GMIP: variants seen among roughly 807,000 people sequenced by gnomAD.
GMIP encodes the protein GEM interacting protein, also known as GEM-interacting protein.
Under a neutral mutation model 105.3 loss-of-function variants are expected in GMIP, and 54 were observed. The ratio of observed to expected loss-of-function variants is 0.51; its 90% CI spans 0.41 to 0.64. The LOEUF is 0.64. Ranked by LOEUF, GMIP falls within the 30% of genes least tolerant of loss-of-function variation. GMIP has a pLI of 0.00. For missense variants in GMIP, 1,110 were observed against 1,319.4 expected, an observed-to-expected ratio of 0.84 and a Z score of 2.46; for synonymous variants, 541 against 560.8, an observed-to-expected ratio of 0.96 and a Z score of 0.50.
Position 19,637,999 on chromosome 19 carries a change from T to C in GMIP, c.848A>G (p.Gln283Arg), listed in dbSNP as rs759688595. The change falls in exon 10 of 21, where the codon CAG (glutamine) becomes CGG (arginine). Residue 283 changes from glutamine to arginine, a missense_variant. Coordinates refer to ENST00000203556, the MANE Select transcript of GMIP (RefSeq NM_016573.4). This position sits in a 1 kb window ranked among gnomAD's most constrained non-coding sequence, Gnocchi z 6.7. ...TCGCTGCTTGGCGATCTCCAGGTCC[T>C]GCTGCCGCGCGTTGGCCTCGCGGAC... ...ACVREANARQ[Q>R]DLEIAKQRIV... The C allele has an allele frequency of 4.3e-6, 7 of 1,610,252 alleles. No homozygotes were observed. Among genetic ancestry groups the C allele is most frequent in the South Asian group, 3.3e-5 (3 of 90,692 alleles).
rs1240302413 is a variant in GMIP, at chr19:19,630,965, C to G, written c.2473-428G>C. Reference sequence around the variant, plus strand: ...CCTGTAATCCCAGCACTTTGGGAGGCTGAGGTTGGTGGATTATCTGAGGTC... The same window carrying G: ...CCTGTAATCCCAGCACTTTGGGAGGGTGAGGTTGGTGGATTATCTGAGGTC... On this transcript the variant is annotated intron_variant, in intron 19 of 20. Coordinates refer to ENST00000203556, the MANE Select transcript of GMIP (RefSeq NM_016573.4). The surrounding 1 kb of genome is among the most constrained non-coding windows in gnomAD (Gnocchi z 4.8). Among the ~76,000 whole-genome samples the G allele has an allele frequency of 6.6e-6, 1 of 152,078 alleles. No homozygotes were observed. Among genetic ancestry groups the G allele is most frequent in the African/African-American group, 2.4e-5 (1 of 41,380 alleles).
intron 7 of GMIP, 81 bp downstream of exon 7, chr19:19,640,004 G>T: frequency 2.7e-6 from 2 of 741,708 alleles, no homozygotes; most frequent in Non-Finnish European, 4.5e-6. Context: ...CTCCCAGCTT[G>T]CTGGGAAACG....
intron 19 of GMIP, among the ~76,000 whole-genome samples, chr19:19,631,627 C>T (rs935970237): frequency 1.3e-5 from 2 of 152,210 alleles, no homozygotes; most frequent in African/African-American, 2.4e-5. Context: ...TCCGGAGCAG[C>T]GGGTGCTGCT....
intron 19 of GMIP, 128 bp downstream of exon 19, chr19:19,633,675 T>C (rs2061818532): frequency 1.6e-6 from 1 of 644,098 alleles, no homozygotes; most frequent in South Asian, 5.2e-5. Context: ...AGAATGAACA[T>C]AAGTTAAATG....
rs773278214 is a variant in GMIP, at chr19:19,637,364, C to A, written c.1124+1G>T. The A allele has an allele frequency of 1.3e-6, 2 of 1,496,008 alleles. No homozygotes were observed. Among genetic ancestry groups the A allele is most frequent in the Admixed American group, 2.5e-5 (1 of 40,484 alleles). 92.7% of individuals were successfully genotyped at this position (1,496,008 alleles called of 1,614,324 possible). A position where few individuals can be genotyped will look rare whatever the true frequency, so the allele number is the denominator to read the frequency against. ...CCCGACTCCCTGCTCCAGTGACCCA[C>A]CTGTTCAAGGAGGGAAGGAACTCCT... On this transcript the variant is annotated splice_donor_variant, in intron 11 of 20. Transcript: ENST00000203556. LOFTEE classifies it high-confidence loss of function. The surrounding 1 kb of genome is among the most constrained non-coding windows in gnomAD (Gnocchi z 6.7).
In GMIP at chr19:19,630,646, C is replaced by A. The variant is rs1041627176; in HGVS notation, c.2473-109G>T. ...GGACATGCAAAAGGAATAGCCAGTG[C>A]AAAGGCCCTGAGGTAGGAGCATGCC... is the stretch of plus-strand genomic sequence containing the variant. On this transcript the variant is annotated intron_variant, in intron 19 of 20. Transcript: ENST00000203556. The surrounding 1 kb of genome is among the most constrained non-coding windows in gnomAD (Gnocchi z 4.8). The A allele has an allele frequency of 1.1e-6, 1 of 928,558 alleles. No homozygotes were observed. Among genetic ancestry groups the A allele is most frequent in the African/African-American group, 1.6e-5 (1 of 61,708 alleles). 57.5% of individuals were successfully genotyped at this position (928,558 alleles called of 1,614,324 possible). A position where few individuals can be genotyped will look rare whatever the true frequency, so the allele number is the denominator to read the frequency against.
rs1466454290 is a variant in GMIP at position 19,630,510 on chromosome 19, C to G, written c.2500G>C (p.Glu834Gln). 5.0e-6 allele frequency: 8 copies of G among 1,614,028 alleles called. No homozygotes were observed. Among genetic ancestry groups the G allele is most frequent in the Non-Finnish European group, 6.8e-6 (8 of 1,179,992 alleles). ...EIPTPQSDQR[E>Q]DVAEDTKDGG... is the part of the protein sequence containing the mutation. Reference sequence around the variant, plus strand: ...TCTTTGGTGTCTTCAGCCACGTCCTCTCTCTGGTCACTCTGTGGAGTTGGA... The same window carrying G: ...TCTTTGGTGTCTTCAGCCACGTCCTGTCTCTGGTCACTCTGTGGAGTTGGA... The change falls in exon 20 of 21, where the codon GAG becomes CAG. Residue 834 changes from glutamate (E) to glutamine (Q), a missense_variant. Glu to Gln is a conservative substitution (Grantham distance 29). Coordinates refer to ENST00000203556, the MANE Select transcript of GMIP (RefSeq NM_016573.4). This position sits in a 1 kb window ranked among gnomAD's most constrained non-coding sequence, Gnocchi z 4.8.
chr19:19,637,344 C>T lies in GMIP; in HGVS notation c.1124+21G>A. The T allele has an allele frequency of 6.8e-7, 1 of 1,461,796 alleles. No individual in the cohort carries two copies. The highest frequency in any genetic ancestry group is 2.5e-5 in the Admixed American group (1 of 39,970). 90.6% of individuals were successfully genotyped at this position (1,461,796 alleles called of 1,614,324 possible). A position where few individuals can be genotyped will look rare whatever the true frequency, so the allele number is the denominator to read the frequency against. On this transcript the variant is annotated intron_variant, in intron 11 of 20. Transcript: ENST00000203556. This position sits in a 1 kb window ranked among gnomAD's most constrained non-coding sequence, Gnocchi z 6.7. The stretch of plus-strand genomic sequence containing the variant: ...TCGCGATTCCGGGGCTCGTTCCCGA[C>T]TCCCTGCTCCAGTGACCCACCTGTT...
At position 19,638,241 on chromosome 19, in the gene GMIP, T is replaced by A. The variant is rs141410763; in HGVS notation, c.707A>T (p.Glu236Val). The change falls in exon 9 of 21, where the codon GAG becomes GTG. Residue 236 changes from glutamate (E) to valine (V), a missense_variant. Physicochemically the swap from Glu to Val is moderately radical, Grantham distance 121 (BLOSUM62 -2). This residue lies in a region of GMIP where 667 missense variants were observed against 773.2 expected (regional missense o/e 0.86). Transcript: ENST00000203556. ...DLRARSQGSP[E>V]DSAPQASPGP... ...CGGCGAGGCCTGGGGGGCCGAGTCCTCAGGGGACCCCTGGGAGCGTGCCCG... is the reference window on the plus strand; with the variant it reads ...CGGCGAGGCCTGGGGGGCCGAGTCCACAGGGGACCCCTGGGAGCGTGCCCG... The A allele has an allele frequency of 7.5e-6, 12 of 1,602,866 alleles. No homozygotes were observed. In the African/African-American group the frequency reaches 1.2e-4, roughly 16 times the overall value.
intron 19 of GMIP, 86 bp downstream of exon 19, chr19:19,633,717 A>G: frequency 9.6e-7 from 1 of 1,046,654 alleles, no homozygotes; most frequent in Non-Finnish European, 1.3e-6. Context: ...AGGAAATTTT[A>G]AAAAGGAAGG....
rs1229024995 is a variant in GMIP at position 19,630,219 on chromosome 19, C to T, written c.2657G>A (p.Ser886Asn). The T allele has an allele frequency of 1.1e-5, 17 of 1,595,456 alleles. No individual in the cohort carries two copies. The highest frequency in any genetic ancestry group is 1.3e-5 in the Non-Finnish European group (15 of 1,167,124). Residue 886 changes from serine to asparagine, a missense_variant, in exon 21 of 21, where the codon AGT (serine) becomes AAT (asparagine). Around this residue, in one of 3 missense-constraint regions of GMIP, gnomAD observed 394 missense variants for 450.5 expected, o/e 0.87. Coordinates refer to ENST00000203556, the MANE Select transcript of GMIP (RefSeq NM_016573.4). The surrounding 1 kb of genome is among the most constrained non-coding windows in gnomAD (Gnocchi z 4.8). ...CAGCTTGGAAGCCACCAGGGCCAGA[C>T]TGGACAGCTGGTGGGTTACAGGCCT... The part of the protein sequence containing the change: ...GVRPVTHQLS[S>N]LALVASKLCE...
rs112929578 is a variant in GMIP, at chr19:19,637,702, G to A, written c.928-141C>T. The A allele has an allele frequency of 6.4e-3, 5,344 of 836,628 alleles. 203 individuals are homozygous for A. In the African/African-American group the frequency reaches 0.084, roughly 13 times the overall value. The allele number at this position is 836,628 out of a possible 1,614,324, so 51.8% of individuals were successfully genotyped here. A position where few individuals can be genotyped will look rare whatever the true frequency, so the allele number is the denominator to read the frequency against. On this transcript the variant is annotated intron_variant, in intron 10 of 20. Coordinates refer to ENST00000203556, the MANE Select transcript of GMIP (RefSeq NM_016573.4). The surrounding 1 kb of genome is among the most constrained non-coding windows in gnomAD (Gnocchi z 6.7). The stretch of plus-strand genomic sequence containing the variant: ...GGGCGGCTTAGGAACTAGGGCAGTC[G>A]GCCAGGGGACCCAGGCATGGTCAGA...
chr19:19,637,083 T>C lies in GMIP; in HGVS notation c.1125-54A>G, dbSNP rs1186567129. The stretch of plus-strand genomic sequence containing the variant: ...ATCCCAGGAAACTGGCCTGGGGTGA[T>C]GGCACCCAGGCATCATGTCTAGGTA... On this transcript the variant is annotated intron_variant, in intron 11 of 20. Coordinates refer to ENST00000203556, the MANE Select transcript of GMIP (RefSeq NM_016573.4). This position sits in a 1 kb window ranked among gnomAD's most constrained non-coding sequence, Gnocchi z 6.7. 1 of 1,185,036 alleles carries C rather than the reference T, an allele frequency of 8.4e-7. No homozygotes were observed. The highest frequency in any genetic ancestry group is 1.2e-6 in the Non-Finnish European group (1 of 816,562). 73.4% of individuals were successfully genotyped at this position (1,185,036 alleles called of 1,614,324 possible). A position where few individuals can be genotyped will look rare whatever the true frequency, so the allele number is the denominator to read the frequency against.
At chr19:19,642,441 GT>G in intron 2 of GMIP, 93 bp downstream of exon 2, 1 of 760,160 alleles carries the variant, frequency 1.3e-6, no homozygotes, top group East Asian at 2.5e-5. Context: ...AGGTCCAGAT[GT>G]TACAGGTTCC....
intron 4 of GMIP, among the ~76,000 whole-genome samples, chr19:19,641,080 T>C (rs2061914109): frequency 6.6e-6 from 1 of 150,784 alleles, no homozygotes; most frequent in South Asian, 2.1e-4. Context: ...GTTTGATGGG[T>C]TTTTTTATTT....
chr19:19,633,440 T>C (rs1420555632), intron 19 of GMIP, among the ~76,000 whole-genome samples: 1 of 152,212 alleles, frequency 6.6e-6, no homozygotes, highest in Non-Finnish European at 1.5e-5. Context: ...GTCATGTATA[T>C]GGTTGTTCTT....
In GMIP at chr19:19,637,394, G is replaced by A. The variant is rs1450066231; in HGVS notation, c.1095C>T (p.Ser365=). Residue 365 remains serine, a synonymous_variant, in exon 11 of 21, where the codon TCC becomes TCT. Coordinates refer to ENST00000203556, the MANE Select transcript of GMIP (RefSeq NM_016573.4). The surrounding 1 kb of genome is among the most constrained non-coding windows in gnomAD (Gnocchi z 6.7). ...TCAAGGAGGGAAGGAACTCCTGGAA[G>A]GAGAAGGCGGGCGGCGGGGGCGGCG... The part of the protein sequence containing the change: ...EAPPPPPPAF[S]FQEFLPSLNS... The A allele has an allele frequency of 6.0e-6, 9 of 1,504,808 alleles. No homozygotes were observed. Among genetic ancestry groups the A allele is most frequent in the Non-Finnish European group, 7.9e-6 (9 of 1,135,084 alleles). 93.2% of individuals were successfully genotyped at this position (1,504,808 alleles called of 1,614,324 possible).
At chr19:19,633,770 C>T (rs1204716847) in intron 19 of GMIP, 33 bp downstream of exon 19, 1 of 1,377,212 alleles carries the variant, frequency 7.3e-7, no homozygotes, top group Non-Finnish European at 9.5e-7. Flanking sequence ...AGATAAGGCC[C>T]TCTCCATAGC....
rs1207962831 is a variant in GMIP, at chr19:19,634,426, G to A, written c.2084+81C>T. ...CACAGGTCAAAGGTCAGAGGTCAGT[G>A]TCAGGGGTCAGCCAGGGAAGTTAGT... On this transcript the variant is annotated intron_variant, in intron 18 of 20. Transcript: ENST00000203556. The surrounding 1 kb of genome is among the most constrained non-coding windows in gnomAD (Gnocchi z 6.1). 3.2e-6 allele frequency: 4 copies of A among 1,239,264 alleles called. No homozygotes were observed. Among genetic ancestry groups the A allele is most frequent in the South Asian group, 1.3e-5 (1 of 78,068 alleles). The allele number at this position is 1,239,264 out of a possible 1,614,324, so 76.8% of individuals were successfully genotyped here.
Sources: allele counts gnomAD v4.1 joint callset (sites outside exome capture counted in the v4.1 genomes callset), GRCh38; gene constraint gnomAD v4.1.1; regional missense constraint gnomAD v4.1.1; non-coding constraint Gnocchi (gnomAD v3.1); transcripts MANE v1.5; gene names NCBI Gene and HGNC (gene_info 2026-07-23, HGNC 2026-07-21).